Variants in UNC80 observed in about 807,000 individuals in gnomAD.
The protein encoded by UNC80 is protein unc-80 homolog.
Under a neutral mutation model 384.6 loss-of-function variants are expected in UNC80, and 164 were observed. The ratio of observed to expected loss-of-function variants is 0.43; its 90% CI spans 0.38 to 0.49. UNC80 has a LOEUF of 0.49. UNC80 is among the 20% of genes least tolerant of loss of function. UNC80 has a pLI of 0.00. For missense variants in UNC80, 3,330 were observed against 4,143.0 expected, an observed-to-expected ratio of 0.80 and a Z score of 5.39; for synonymous variants, 1,486 against 1,527.8, an observed-to-expected ratio of 0.97 and a Z score of 0.64.
chr2:209,878,717 T>C (rs112255531), intron 24 of UNC80, among the ~76,000 whole-genome samples: 2,125 of 152,360 alleles, frequency 0.014, 28 homozygotes, highest in Middle Eastern at 0.024. Flanking sequence ...ATTTTGTGCA[T>C]ACGTGTGTTC....
intron 48 of UNC80, among the ~76,000 whole-genome samples, chr2:209,954,767 T>G (rs921034323): frequency 6.6e-6 from 1 of 152,210 alleles, no homozygotes. Context: ...AACAGCAGAA[T>G]GTTATCCTAC....
At chr2:209,773,693 G>A (rs1052454006) in intron 2 of UNC80, among the ~76,000 whole-genome samples, 26 of 152,184 alleles carry the variant, frequency 1.7e-4, no homozygotes, top group African/African-American at 5.5e-4. Context: ...CAAGTGTGAA[G>A]TCGAATCCTT....
At chr2:209,858,542 T>C (rs143236109) in intron 22 of UNC80, among the ~76,000 whole-genome samples, 2,675 of 152,078 alleles carry the variant, frequency 0.018, 93 homozygotes, top group South Asian at 0.16. Context: ...ACCCTGTCTC[T>C]ACTAAAAATA....
Position 209,921,588 on chromosome 2 carries a change from G to A in UNC80, c.5432G>A (p.Arg1811Gln), listed in dbSNP as rs896457049. 1.9e-6 allele frequency: 3 copies of A among 1,551,502 alleles called. No individual in the cohort carries two copies. The highest frequency in any genetic ancestry group is 1.4e-5 in the African/African-American group (1 of 73,032). The stretch of plus-strand genomic sequence containing the variant: ...TTGCAGCAGGAGGAAGAAAAGAAAC[G>A]ACTTGGTAGAGAAGCCAGCCTCATC... ...KNLQQEEEKK[R>Q]LGREASLITA... is the part of the protein sequence containing the mutation. Residue 1811 changes from arginine (R) to glutamine (Q), a missense_variant, in exon 34 of 65, where the codon CGA (arginine) becomes CAA (glutamine). Arg to Gln is a conservative substitution (Grantham distance 43). Coordinates refer to ENST00000673920, the MANE Select transcript of UNC80 (RefSeq NM_001371986.1).
chr2:209,930,885 A>T lies in UNC80; in HGVS notation c.5908-83A>T, dbSNP rs888743979. 3.1e-6 allele frequency: 3 copies of T among 970,972 alleles called. No individual in the cohort carries two copies. The African/African-American group carries it at 5.0e-5, about 16-fold the overall frequency. The allele number at this position is 970,972 out of a possible 1,614,324, so 60.1% of individuals were successfully genotyped here. A position where few individuals can be genotyped will look rare whatever the true frequency, so the allele number is the denominator to read the frequency against. ...CAAAAGTAAAAAAAATCCCTCACCC[A>T]ATCCCGAATTTTCAAGAAGTTAATT... On this transcript the variant is annotated intron_variant, in intron 37 of 64. Coordinates refer to ENST00000673920, the MANE Select transcript of UNC80 (RefSeq NM_001371986.1).
chr2:209,896,384 A>C lies in UNC80; in HGVS notation c.4552A>C (p.Asn1518His). 1.3e-6 allele frequency: 2 copies of C among 1,551,544 alleles called. No individual in the cohort carries two copies. Among genetic ancestry groups the C allele is most frequent in the Non-Finnish European group, 1.7e-6 (2 of 1,146,936 alleles). ...EGMSNAGAEE[N>H]YHRNMSWLHV... ...AATGAGTAATGCCGGCGCGGAGGAG[A>C]ATTACCACAGAAACATGTCGTGGCT... Residue 1518 changes from asparagine (N) to histidine (H), a missense_variant, in exon 28 of 65, where the codon AAT becomes CAT. Asn to His is a moderately conservative substitution (Grantham distance 68). Coordinates refer to ENST00000673920, the MANE Select transcript of UNC80 (RefSeq NM_001371986.1).
intron 20 of UNC80, among the ~76,000 whole-genome samples, chr2:209,841,438 C>T (rs1488169142): frequency 6.6e-6 from 1 of 152,154 alleles, no homozygotes; most frequent in Non-Finnish European, 1.5e-5. Flanking sequence ...TCACTGCAAC[C>T]TCCGCCTTCT....
At chr2:209,830,838 G>A (rs988864325) in intron 15 of UNC80, among the ~76,000 whole-genome samples, 5 of 152,138 alleles carry the variant, frequency 3.3e-5, no homozygotes, top group Non-Finnish European at 5.9e-5. Context: ...GAAGAGGGGA[G>A]GTTTCCCCTC....
intron 62 of UNC80, among the ~76,000 whole-genome samples, chr2:209,992,472 TG>T (rs1310053448): frequency 1.3e-5 from 2 of 151,970 alleles, no homozygotes; most frequent in Admixed American, 6.6e-5. Flanking sequence ...AATAAAACAA[TG>T]TTTTTTTTTT....
At chr2:209,917,070 T>C (rs555650432) in intron 31 of UNC80, among the ~76,000 whole-genome samples, 1 of 152,310 alleles carries the variant, frequency 6.6e-6, no homozygotes, top group South Asian at 2.1e-4. Flanking sequence ...CTGGCACAAC[T>C]GCCTAAGCAC....
chr2:209,989,250 A>C (rs1357910881), intron 61 of UNC80, among the ~76,000 whole-genome samples: 1 of 151,748 alleles, frequency 6.6e-6, no homozygotes, highest in Non-Finnish European at 1.5e-5. Context: ...GCTTGAACGC[A>C]GGAGGTGGAG....
Position 209,998,896 on chromosome 2 carries a change from T to G in UNC80, c.*3301T>G, listed in dbSNP as rs999038231. 3 of 152,204 alleles carry G rather than the reference T, an allele frequency of 2.0e-5. No homozygotes were observed. Among genetic ancestry groups the G allele is most frequent in the Non-Finnish European group, 2.9e-5 (2 of 68,034 alleles). 9.4% of individuals were successfully genotyped at this position (152,204 alleles called of 1,614,324 possible). A position where few individuals can be genotyped will look rare whatever the true frequency, so the allele number is the denominator to read the frequency against. On this transcript the variant is annotated 3_prime_UTR_variant, in exon 65 of 65. Coordinates refer to ENST00000673920, the MANE Select transcript of UNC80 (RefSeq NM_001371986.1). ...TCTTTTTACTTTAGTGGGTCTCAAC[T>G]GCAGCATTTCAGAAACAAATTTTGA... is the stretch of plus-strand genomic sequence containing the variant.
chr2:209,839,140 CA>C lies in UNC80; in HGVS notation c.3042-81del, dbSNP rs1400081305. ...CATTTTGCATGATTTGCCTAAATATCATTGACAGGAAGATGAAAGAAATTTA... is the reference window on the plus strand; with the variant it reads ...CATTTTGCATGATTTGCCTAAATATCTTGACAGGAAGATGAAAGAAATTTA... On this transcript the variant is annotated intron_variant, in intron 18 of 64. Coordinates refer to ENST00000673920, the MANE Select transcript of UNC80 (RefSeq NM_001371986.1). The surrounding 1 kb of genome is among the most constrained non-coding windows in gnomAD (Gnocchi z 4.1). The C allele has an allele frequency of 7.8e-7, 1 of 1,280,384 alleles. No individual in the cohort carries two copies. Among genetic ancestry groups the C allele is most frequent in the Non-Finnish European group, 1.1e-6 (1 of 922,042 alleles). The allele number at this position is 1,280,384 out of a possible 1,614,324, so 79.3% of individuals were successfully genotyped here.
At chr2:209,925,734 C>G (rs2090383263) in intron 35 of UNC80, among the ~76,000 whole-genome samples, 1 of 152,026 alleles carries the variant, frequency 6.6e-6, no homozygotes, top group Admixed American at 6.6e-5. Context: ...AGACACAGAG[C>G]CCTGATTGGT....
chr2:209,834,105 A>C lies in UNC80; in HGVS notation c.2879A>C (p.Lys960Thr), dbSNP rs2153828823. 1 of 1,551,662 alleles carries C rather than the reference A, an allele frequency of 6.4e-7. No homozygotes were observed. The highest frequency in any genetic ancestry group is 1.2e-5 in the South Asian group (1 of 84,052). Reference sequence around the variant, plus strand: ...AGCGCTCTGCTTGACAGTGCCGAGAAGTTAGCACCAGGGAAAAAGGTGGAG... The same window carrying C: ...AGCGCTCTGCTTGACAGTGCCGAGACGTTAGCACCAGGGAAAAAGGTGGAG... ...ALSALLDSAE[K>T]LAPGKKVEEN... The change falls in exon 17 of 65, where the codon AAG becomes ACG. Residue 960 changes from lysine to threonine, a missense_variant. This residue lies in a region of UNC80 where 801 missense variants were observed against 950.8 expected (regional missense o/e 0.84). Transcript: ENST00000673920.
chr2:209,786,508 ATGTC>A (rs1200835379), intron 5 of UNC80, among the ~76,000 whole-genome samples: 1 of 152,212 alleles, frequency 6.6e-6, no homozygotes, highest in Non-Finnish European at 1.5e-5. Flanking sequence ...GCTTAGAAGA[ATGTC>A]TGGCACATAG....
Position 209,921,591 on chromosome 2 carries a change from T to C in UNC80, c.5435T>C (p.Leu1812Pro). The change falls in exon 34 of 65, where the codon CTT (leucine) becomes CCT (proline). Residue 1812 changes from leucine (L) to proline (P), a missense_variant. Transcript: ENST00000673920. ...NLQQEEEKKR[L>P]GREASLITAI... ...CAGCAGGAGGAAGAAAAGAAACGAC[T>C]TGGTAGAGAAGCCAGCCTCATCACT... The C allele has an allele frequency of 6.4e-7, 1 of 1,551,614 alleles. No individual in the cohort carries two copies. Among genetic ancestry groups the C allele is most frequent in the Non-Finnish European group, 8.7e-7 (1 of 1,146,974 alleles).
chr2:209,980,702 T>C (rs1440630518), intron 59 of UNC80, among the ~76,000 whole-genome samples: 2 of 152,322 alleles, frequency 1.3e-5, no homozygotes, highest in East Asian at 3.9e-4. Context: ...TTCTCTGCTT[T>C]CTAAGATCTT....
At chr2:209,810,087 C>G (rs2079224073) in intron 7 of UNC80, among the ~76,000 whole-genome samples, 2 of 152,274 alleles carry the variant, frequency 1.3e-5, no homozygotes, top group South Asian at 4.2e-4. Context: ...GTGGCTGACA[C>G]CAGGACGTGT....
Sources: gnomAD v4.1 joint callset for allele counts (sites outside exome capture counted in the v4.1 genomes callset) on GRCh38, gnomAD v4.1.1 for gene constraint, gnomAD v4.1.1 regional missense constraint, Gnocchi (gnomAD v3.1) non-coding constraint, MANE v1.5 for transcripts, NCBI Gene and HGNC (gene_info 2026-07-23, HGNC 2026-07-21) for gene names.